Variants in HDAC4 observed in about 807,000 individuals in gnomAD.
HDAC4 encodes histone deacetylase A.
HDAC4 carries 16 observed loss-of-function variants against 135.1 expected under a neutral mutation model. That is an observed-to-expected ratio of 0.12 (90% CI 0.08 to 0.18). The LOEUF is 0.18. HDAC4 is among the 10% of genes least tolerant of loss of function. HDAC4 has a pLI of 1.00. For missense variants in HDAC4, 1,143 were observed against 1,511.8 expected (o/e 0.76, Z 4.05); for synonymous variants, 685 against 653.4 (o/e 1.05, Z -0.74).
rs1484106929 is a variant in HDAC4, at chr2:239,331,802, G to A, written c.22+20876C>T. Among the ~76,000 whole-genome samples the A allele has an allele frequency of 6.6e-6, 1 of 152,126 alleles. No individual in the cohort carries two copies. The highest frequency in any genetic ancestry group is 1.5e-5 in the Non-Finnish European group (1 of 68,024). On this transcript the variant is annotated intron_variant, in intron 2 of 26. Transcript: ENST00000543185. The surrounding 1 kb of genome is among the most constrained non-coding windows in gnomAD (Gnocchi z 4.5). ...TGGGAGAGAAGGGAGGTGGAAAGAGGGCACACTCGGCCCGCGTGTCCTCCA... is the reference window on the plus strand; with the variant it reads ...TGGGAGAGAAGGGAGGTGGAAAGAGAGCACACTCGGCCCGCGTGTCCTCCA...
chr2:239,376,725 A>G (rs1468520372), intron 1 of HDAC4, among the ~76,000 whole-genome samples: 2 of 152,006 alleles, frequency 1.3e-5, no homozygotes, highest in East Asian at 3.9e-4. Context: ...ACACTTGAGT[A>G]ACGATTAAAA....
intron 2 of HDAC4, among the ~76,000 whole-genome samples, chr2:239,241,893 C>T (rs112485200): frequency 7.2e-5 from 11 of 152,186 alleles, no homozygotes; most frequent in African/African-American, 2.6e-4. Flanking sequence ...TTGGTTTTGC[C>T]AATAATCACA....
chr2:239,325,665 C>T (rs1391920820), intron 2 of HDAC4, among the ~76,000 whole-genome samples: 2 of 152,174 alleles, frequency 1.3e-5, no homozygotes, highest in Non-Finnish European at 2.9e-5. Flanking sequence ...TTGGTGGTTT[C>T]TAAAAACTTA....
At chr2:239,075,622 C>T (rs937224489) in intron 22 of HDAC4, among the ~76,000 whole-genome samples, 5 of 152,344 alleles carry the variant, frequency 3.3e-5, no homozygotes, top group African/African-American at 9.6e-5. Flanking sequence ...CTTCTCCTCG[C>T]GGTGGCCTCT....
At chr2:239,179,996 G>A (rs1171826615) in intron 4 of HDAC4, among the ~76,000 whole-genome samples, 3 of 152,256 alleles carry the variant, frequency 2.0e-5, no homozygotes, top group East Asian at 3.9e-4. Context: ...GCGTGCAAGG[G>A]CGCTGCCCTT....
At chr2:239,082,060 A>G in intron 21 of HDAC4, 42 bp downstream of exon 21, 1 of 1,391,192 alleles carries the variant, frequency 7.2e-7, no homozygotes, top group Non-Finnish European at 1.0e-6. Flanking sequence ...GGCTCCCCGC[A>G]GTCCCCCTTT....
intron 7 of HDAC4, among the ~76,000 whole-genome samples, chr2:239,151,614 C>T (rs1433941327): frequency 1.3e-5 from 2 of 152,208 alleles, no homozygotes; most frequent in African/African-American, 4.8e-5. Flanking sequence ...GATCCATGAT[C>T]CATACAGGGG....
At chr2:239,220,914 T>C (rs2046912335) in intron 3 of HDAC4, among the ~76,000 whole-genome samples, 1 of 152,138 alleles carries the variant, frequency 6.6e-6, no homozygotes, top group South Asian at 2.1e-4. Flanking sequence ...CCCCACTGGT[T>C]CCACCTTCTG....
chr2:239,063,691 C>G (rs2033105447), intron 24 of HDAC4, among the ~76,000 whole-genome samples: 1 of 152,216 alleles, frequency 6.6e-6, no homozygotes, highest in Non-Finnish European at 1.5e-5. Context: ...CCAGCCTCCC[C>G]CACACCTGCG....
chr2:239,119,103 C>A (rs139201383), intron 12 of HDAC4, among the ~76,000 whole-genome samples: 1 of 152,202 alleles, frequency 6.6e-6, no homozygotes, highest in Admixed American at 6.5e-5. Context: ...GGCACCCATA[C>A]GCTCAGTTCC....
chr2:239,068,508 G>A lies in HDAC4; in HGVS notation c.2850C>T (p.Gly950=), dbSNP rs1407851127. ...AVEGHPTPLG[G]YNLSARCFGY... ...ACTTACATCTGGCGGAGAGGTTGTA[G>A]CCCCCAAGAGGGGTGGGGTGGCCCT... Residue 950 remains glycine (G), a synonymous_variant, in exon 23 of 27, where the codon GGC becomes GGT. Transcript: ENST00000543185. This position sits in a 1 kb window ranked among gnomAD's most constrained non-coding sequence, Gnocchi z 4.4. 1 of 1,613,218 alleles carries A rather than the reference G, an allele frequency of 6.2e-7. No homozygotes were observed. Among genetic ancestry groups the A allele is most frequent in the Non-Finnish European group, 8.5e-7 (1 of 1,179,318 alleles).
Position 239,338,286 on chromosome 2 carries a change from C to A in HDAC4, c.22+14392G>T, listed in dbSNP as rs549173170. On this transcript the variant is annotated intron_variant, in intron 2 of 26. Coordinates refer to ENST00000543185, the MANE Select transcript of HDAC4 (RefSeq NM_001378414.1). ...CCTGGAGGCCCATGCAGCTTCCTAT[C>A]CACCACGTCCCTCACCACCCTCTAA... 5.2e-4 allele frequency among the ~76,000 whole-genome samples: 79 copies of A among 152,284 alleles called. 1 individual carries two copies. In the Middle Eastern group the frequency reaches 0.017, roughly 33 times the overall value.
At chr2:239,398,765 G>C (rs1023441435) in intron 1 of HDAC4, among the ~76,000 whole-genome samples, 7 of 152,162 alleles carry the variant, frequency 4.6e-5, no homozygotes, top group Non-Finnish European at 1.0e-4. Flanking sequence ...TCTGTCCTTC[G>C]TCCCTAGGCC....
rs1440233518 is a variant in HDAC4, at chr2:239,285,790, C to T, written c.23-49126G>A. Among the ~76,000 whole-genome samples, 2 of 151,968 alleles carry T rather than the reference C, an allele frequency of 1.3e-5. No homozygotes were observed. The highest frequency in any genetic ancestry group is 1.9e-4 in the East Asian group (1 of 5,200). ...GAGCTGACAGGAGAGTTGAGGGCAG[C>T]GGGTGGAGGACTGCATGGGGGTCAG... On this transcript the variant is annotated intron_variant, in intron 2 of 26. Coordinates refer to ENST00000543185, the MANE Select transcript of HDAC4 (RefSeq NM_001378414.1). This position sits in a 1 kb window ranked among gnomAD's most constrained non-coding sequence, Gnocchi z 4.5.
intron 16 of HDAC4, among the ~76,000 whole-genome samples, chr2:239,101,971 C>T (rs1392874231): frequency 2.0e-5 from 3 of 150,466 alleles, no homozygotes; most frequent in Admixed American, 1.3e-4. Context: ...GGTTCTGTGT[C>T]CTGGGAGCCC....
At chr2:239,199,493 T>C (rs1054449770) in intron 3 of HDAC4, among the ~76,000 whole-genome samples, 1 of 152,168 alleles carries the variant, frequency 6.6e-6, no homozygotes, top group African/African-American at 2.4e-5. Context: ...GGCAGTGTCA[T>C]GCTTGATTCT....
intron 22 of HDAC4, among the ~76,000 whole-genome samples, chr2:239,073,721 C>G (rs552294300): frequency 2.0e-5 from 3 of 152,258 alleles, no homozygotes; most frequent in Admixed American, 6.5e-5. Flanking sequence ...CAGGAAACAC[C>G]GCACTGGCCT....
At chr2:239,383,329 C>T (rs922371463) in intron 1 of HDAC4, among the ~76,000 whole-genome samples, 1 of 152,160 alleles carries the variant, frequency 6.6e-6, no homozygotes, top group African/African-American at 2.4e-5. Context: ...AGCAGATCCT[C>T]GCTTGGAGGC....
At chr2:239,125,679 A>G (rs140080421) in intron 12 of HDAC4, among the ~76,000 whole-genome samples, 21 of 152,332 alleles carry the variant, frequency 1.4e-4, no homozygotes, top group African/African-American at 4.6e-4. Flanking sequence ...CTCTTACCTT[A>G]AAGATGCTCT....
Sources: allele counts gnomAD v4.1 joint callset (sites outside exome capture counted in the v4.1 genomes callset), GRCh38; gene constraint gnomAD v4.1.1; non-coding constraint Gnocchi (gnomAD v3.1); transcripts MANE v1.5; gene names NCBI Gene and HGNC (gene_info 2026-07-23, HGNC 2026-07-21).